CACNA1E: variants seen among roughly 807,000 people sequenced by gnomAD.
CACNA1E encodes the protein voltage-dependent R-type calcium channel subunit alpha-1E.
A neutral mutation model predicts 259.2 loss-of-function variants in CACNA1E; 40 were observed. The observed-to-expected ratio is 0.15, with a 90% CI of 0.12 to 0.20. CACNA1E has a LOEUF of 0.20. Among genes scored for constraint, CACNA1E ranks in the 10% least tolerant of loss-of-function variants. The pLI, the probability that CACNA1E is intolerant of heterozygous loss-of-function variation, is 1.00. For missense variants in CACNA1E, 1,874 were observed against 3,040.1 expected (o/e 0.62, Z 9.02); for synonymous variants, 1,104 against 1,138.5 (o/e 0.97, Z 0.61).
chr1:181,516,938 T>A (rs1230779634), intron 3 of CACNA1E, among the ~76,000 whole-genome samples: 2 of 152,122 alleles, frequency 1.3e-5, no homozygotes, highest in Admixed American at 1.3e-4. Context: ...GGCAGGTGTG[T>A]CTGTGCCTGG....
chr1:181,754,202 A>C (rs1216635982), intron 27 of CACNA1E, among the ~76,000 whole-genome samples: 2 of 152,188 alleles, frequency 1.3e-5, no homozygotes, highest in Admixed American at 1.3e-4. Flanking sequence ...AGGCCAGAGA[A>C]AGCACCCTGC....
rs563749350 is a variant in CACNA1E at position 181,478,391 on chromosome 1, G to A, written c.435-5353G>A. ...GTTTTCACCCAAGTAAGGGCTGTGA[G>A]GTATTGTGAAAGCCACCAGACTCCC... On this transcript the variant is annotated intron_variant, in intron 2 of 11. Transcript: ENST00000524607. Among the ~76,000 whole-genome samples the A allele has an allele frequency of 4.6e-5, 7 of 152,298 alleles. No homozygotes were observed. The South Asian group carries it at 1.2e-3, about 27-fold the overall frequency.
chr1:181,384,678 C>T (rs1469661895), intron 1 of CACNA1E, among the ~76,000 whole-genome samples: 1 of 152,150 alleles, frequency 6.6e-6, no homozygotes, highest in East Asian at 1.9e-4. Flanking sequence ...GCTTCTCCTC[C>T]TATCTTGGAA....
intron 1 of CACNA1E, among the ~76,000 whole-genome samples, chr1:181,363,965 C>T (rs1339865883): frequency 6.6e-6 from 1 of 152,132 alleles, no homozygotes; most frequent in Non-Finnish European, 1.5e-5. Context: ...CTTATGAATT[C>T]CTGAGGAGGT....
rs576386161 is a variant in CACNA1E, at chr1:181,477,136, T to A, written c.435-6608T>A. On this transcript the variant is annotated intron_variant, in intron 2 of 11. Coordinates refer to the CACNA1E transcript ENST00000524607. ...CTGATTTACTAATTAACTCCATGCA[T>A]CTTGTGTACTGCCCCCCTCCCCACC... Among the ~76,000 whole-genome samples the A allele has an allele frequency of 4.6e-5, 7 of 152,172 alleles. No homozygotes were observed. In the East Asian group the frequency reaches 1.3e-3, roughly 29 times the overall value.
At chr1:181,545,928 G>A (rs559745749) in intron 3 of CACNA1E, among the ~76,000 whole-genome samples, 1 of 152,234 alleles carries the variant, frequency 6.6e-6, no homozygotes, top group East Asian at 1.9e-4. Flanking sequence ...AATATATGCA[G>A]ATGGAGCATC....
At chr1:181,610,378 C>T (rs1009772686) in intron 6 of CACNA1E, among the ~76,000 whole-genome samples, 34 of 152,148 alleles carry the variant, frequency 2.2e-4, no homozygotes, top group African/African-American at 2.7e-4. Context: ...ATCTACAGAA[C>T]GTATATGAGG....
In CACNA1E at chr1:181,690,330, T is replaced by C. The variant is rs550467296; in HGVS notation, c.1056-20624T>C. ...TGAGGCCTCTGTTCTGTTCCATTGGTCTATATATCTGTTTTGGTACCAGTA... is the reference window on the plus strand; with the variant it reads ...TGAGGCCTCTGTTCTGTTCCATTGGCCTATATATCTGTTTTGGTACCAGTA... On this transcript the variant is annotated intron_variant, in intron 7 of 47. Transcript: ENST00000367573. 4.2e-4 allele frequency among the ~76,000 whole-genome samples: 64 copies of C among 152,342 alleles called. 1 individual carries two copies. The highest frequency in any genetic ancestry group is 1.4e-3 in the African/African-American group (60 of 41,576).
At chr1:181,453,311 C>T (rs956206640) in intron 2 of CACNA1E, among the ~76,000 whole-genome samples, 4 of 152,258 alleles carry the variant, frequency 2.6e-5, no homozygotes, top group Non-Finnish European at 5.9e-5. Context: ...CTGAGAACTG[C>T]CTAGAATTTA....
intron 6 of CACNA1E, among the ~76,000 whole-genome samples, chr1:181,592,806 C>T (rs941695965): frequency 6.6e-6 from 1 of 152,180 alleles, no homozygotes. Flanking sequence ...CACACACACA[C>T]ACACAAACAC....
chr1:181,415,524 G>A (rs1364112272), intron 2 of CACNA1E, among the ~76,000 whole-genome samples: 4 of 152,232 alleles, frequency 2.6e-5, no homozygotes, highest in Non-Finnish European at 5.9e-5. Context: ...GGTAACCAGA[G>A]GGTATAGGGA....
intron 3 of CACNA1E, among the ~76,000 whole-genome samples, chr1:181,528,231 G>C (rs1667511598): frequency 6.6e-6 from 1 of 152,058 alleles, no homozygotes; most frequent in African/African-American, 2.4e-5. Context: ...AGATCTGCTG[G>C]GTTTATCAGG....
chr1:181,783,229 A>G (rs1660574761), intron 39 of CACNA1E, among the ~76,000 whole-genome samples: 1 of 152,186 alleles, frequency 6.6e-6, no homozygotes, highest in African/African-American at 2.4e-5. Context: ...CTCATTTCTC[A>G]CTGTATTTCC....
intron 1 of CACNA1E, among the ~76,000 whole-genome samples, chr1:181,357,359 C>CA (rs1294577915): frequency 6.6e-6 from 1 of 152,140 alleles, no homozygotes; most frequent in African/African-American, 2.4e-5. Context: ...TTTCAATATT[C>CA]AAACTATGAT....
chr1:181,495,910 A>G (rs1045111235), intron 1 of CACNA1E, among the ~76,000 whole-genome samples: 1 of 152,206 alleles, frequency 6.6e-6, no homozygotes, highest in African/African-American at 2.4e-5. Flanking sequence ...GAGTTATTGC[A>G]TTGATTCTTC....
intron 8 of CACNA1E, among the ~76,000 whole-genome samples, chr1:181,711,665 T>G (rs1653377066): frequency 6.6e-6 from 1 of 152,092 alleles, no homozygotes; most frequent in Non-Finnish European, 1.5e-5. Context: ...GTGGGCCCAT[T>G]GGTGTGTAGA....
rs192279358 is a variant in CACNA1E, at chr1:181,488,194, C to T, written c.266+4184C>T. On this transcript the variant is annotated intron_variant, in intron 1 of 47. Transcript: ENST00000367573. Reference sequence around the variant, plus strand: ...ATCTCCCATTTTGGTGTCTTCTTTTCTTCTGCTTTTGTTGCCTATAAATGT... The same window carrying T: ...ATCTCCCATTTTGGTGTCTTCTTTTTTTCTGCTTTTGTTGCCTATAAATGT... 5.8e-3 allele frequency among the ~76,000 whole-genome samples: 881 copies of T among 152,320 alleles called. 6 individuals carry two copies. The highest frequency in any genetic ancestry group is 0.01 in the Middle Eastern group (3 of 294).
At chr1:181,754,020 CT>C (rs1657839185) in intron 27 of CACNA1E, among the ~76,000 whole-genome samples, 1 of 152,204 alleles carries the variant, frequency 6.6e-6, no homozygotes, top group Admixed American at 6.5e-5. Flanking sequence ...ACAATGTCAG[CT>C]GTTTCTTACC....
intron 2 of CACNA1E, among the ~76,000 whole-genome samples, chr1:181,451,208 A>G (rs1244035514): frequency 6.6e-6 from 1 of 152,200 alleles, no homozygotes; most frequent in Non-Finnish European, 1.5e-5. Flanking sequence ...CCCAGTACCT[A>G]GGGCATTCTC....
Sources: allele counts gnomAD v4.1 joint callset (sites outside exome capture counted in the v4.1 genomes callset), GRCh38; gene constraint gnomAD v4.1.1; transcripts MANE v1.5; gene names NCBI Gene and HGNC (gene_info 2026-07-23, HGNC 2026-07-21).